FHIT: variants seen among roughly 807,000 people sequenced by gnomAD.
FHIT encodes bis(5'-adenosyl)-triphosphatase.
Under a neutral mutation model 17.9 loss-of-function variants are expected in FHIT, and 19 were observed. The observed-to-expected ratio is 1.06, with a 90% CI of 0.74 to 1.56. The LOEUF is 1.56. FHIT is among the 40% of genes most tolerant of loss of function. The probability of loss-of-function intolerance (pLI) is 0.00; values close to 1 mark genes in which losing one functional copy is unlikely to be tolerated. For missense variants in FHIT, 248 were observed against 189.2 expected, an observed-to-expected ratio of 1.31 and a Z score of -1.82; for synonymous variants, 81 against 69.7, an observed-to-expected ratio of 1.16 and a Z score of -0.81.
intron 2 of FHIT, among the ~76,000 whole-genome samples, chr3:61,138,687 C>T (rs557894750): frequency 4.6e-5 from 7 of 152,308 alleles, no homozygotes; most frequent in Admixed American, 1.3e-4. Flanking sequence ...CCTTCTAACT[C>T]GGCTAATGTG....
At chr3:60,214,072 T>C (rs1703583120) in intron 5 of FHIT, among the ~76,000 whole-genome samples, 1 of 152,114 alleles carries the variant, frequency 6.6e-6, no homozygotes, top group African/African-American at 2.4e-5. Context: ...ACTAGCGCAA[T>C]GGGAAGCTAA....
intron 5 of FHIT, among the ~76,000 whole-genome samples, chr3:60,375,794 TG>T (rs1322604669): frequency 6.6e-6 from 1 of 152,038 alleles, no homozygotes; most frequent in Non-Finnish European, 1.5e-5. Context: ...TCAACTGTTC[TG>T]TAGAAAGACC....
intron 5 of FHIT, among the ~76,000 whole-genome samples, chr3:60,441,795 T>C (rs373861945): frequency 2.3e-4 from 22 of 96,030 alleles, no homozygotes; most frequent in African/African-American, 8.8e-4. Context: ...TATATATATA[T>C]ATATATATAT....
At chr3:60,856,804 T>G (rs1203496933) in intron 3 of FHIT, among the ~76,000 whole-genome samples, 3 of 152,136 alleles carry the variant, frequency 2.0e-5, no homozygotes, top group East Asian at 1.9e-4. Flanking sequence ...TGACAACTTC[T>G]TCAGTGCGTG....
At chr3:61,239,767 A>ATATATATATCTATATC (rs2040326090) in intron 1 of FHIT, among the ~76,000 whole-genome samples, 3 of 133,424 alleles carry the variant, frequency 2.2e-5, no homozygotes, top group Non-Finnish European at 4.9e-5. Context: ...CTGGCCATAT[A>ATATATATATCTATATC]TATATATATA....
At chr3:60,956,863 G>C (rs971862531) in intron 3 of FHIT, among the ~76,000 whole-genome samples, 10 of 152,078 alleles carry the variant, frequency 6.6e-5, no homozygotes, top group Admixed American at 5.9e-4. Flanking sequence ...TAGGCCACAG[G>C]CTTCTACTGT....
intron 5 of FHIT, among the ~76,000 whole-genome samples, chr3:60,339,763 C>G (rs1161294363): frequency 1.3e-5 from 2 of 152,206 alleles, no homozygotes; most frequent in Non-Finnish European, 2.9e-5. Context: ...GAAACCAACT[C>G]AAGCTCTGGT....
intron 5 of FHIT, among the ~76,000 whole-genome samples, chr3:60,430,118 C>A (rs777731131): frequency 6.6e-6 from 1 of 151,890 alleles, no homozygotes; most frequent in South Asian, 2.1e-4. Flanking sequence ...GGGGCAGAGC[C>A]GTCTTCTGAC....
intron 8 of FHIT, among the ~76,000 whole-genome samples, chr3:59,905,566 C>G (rs1213350713): frequency 6.6e-6 from 1 of 152,138 alleles, no homozygotes; most frequent in Non-Finnish European, 1.5e-5. Context: ...TAAATATGAA[C>G]AAATGATGGT....
At chr3:59,974,117 T>C (rs925459509) in intron 7 of FHIT, among the ~76,000 whole-genome samples, 8 of 152,152 alleles carry the variant, frequency 5.3e-5, no homozygotes, top group African/African-American at 1.9e-4. Context: ...CAATCTATAC[T>C]GGCCATAAAG....
chr3:61,230,528 ACT>A (rs2040074079), intron 1 of FHIT, among the ~76,000 whole-genome samples: 1 of 152,110 alleles, frequency 6.6e-6, no homozygotes, highest in Admixed American at 6.6e-5. Flanking sequence ...TTAATAAATT[ACT>A]GAGTCTCCTG....
rs573646650 is a variant in FHIT at position 61,181,797 on chromosome 3, T to C, written c.-164+18820A>G. Reference sequence around the variant, plus strand: ...GAAAAATCTCTCTTTGTTTTGACAATTTTTCCTATCCCTTAGAAAAAATGG... The same window carrying C: ...GAAAAATCTCTCTTTGTTTTGACAACTTTTCCTATCCCTTAGAAAAAATGG... On this transcript the variant is annotated intron_variant, in intron 2 of 9. Transcript: ENST00000492590. Among the ~76,000 whole-genome samples the C allele has an allele frequency of 3.7e-4, 56 of 152,336 alleles. 2 individuals carry two copies. Among genetic ancestry groups the C allele is most frequent in the African/African-American group, 1.3e-3 (54 of 41,584 alleles).
chr3:60,655,988 T>G (rs562065466), intron 4 of FHIT, among the ~76,000 whole-genome samples: 1 of 152,338 alleles, frequency 6.6e-6, no homozygotes, highest in African/African-American at 2.4e-5. Context: ...GTAAACTTAT[T>G]ACTGCACCCT....
intron 5 of FHIT, among the ~76,000 whole-genome samples, chr3:60,101,849 A>G (rs925192402): frequency 2.0e-5 from 3 of 152,322 alleles, no homozygotes; most frequent in African/African-American, 4.8e-5. Context: ...CGCAAGGCAC[A>G]CTGAGCCACT....
At chr3:61,002,036 T>G (rs968264750) in intron 3 of FHIT, among the ~76,000 whole-genome samples, 2 of 152,202 alleles carry the variant, frequency 1.3e-5, no homozygotes, top group African/African-American at 4.8e-5. Flanking sequence ...TACTTGTATA[T>G]ATTTAGGGGG....
intron 2 of FHIT, among the ~76,000 whole-genome samples, chr3:61,134,178 G>C (rs1015245975): frequency 9.9e-5 from 15 of 151,142 alleles, no homozygotes; most frequent in African/African-American, 3.7e-4. Context: ...GTGCTTAGTG[G>C]GGCCCAATAT....
intron 4 of FHIT, among the ~76,000 whole-genome samples, chr3:60,699,098 T>C (rs960412861): frequency 3.3e-5 from 5 of 152,204 alleles, no homozygotes; most frequent in Non-Finnish European, 7.3e-5. Context: ...TTTATGGGTA[T>C]CTCTGTGTGT....
intron 3 of FHIT, among the ~76,000 whole-genome samples, chr3:60,987,153 T>C (rs1710752662): frequency 6.6e-6 from 1 of 152,182 alleles, no homozygotes; most frequent in Non-Finnish European, 1.5e-5. Context: ...ACTTAAAACA[T>C]GATATAATAG....
chr3:60,950,580 G>A (rs1002006379), intron 3 of FHIT, among the ~76,000 whole-genome samples: 14 of 151,296 alleles, frequency 9.3e-5, no homozygotes, highest in East Asian at 3.9e-4. Flanking sequence ...GCAGTGGCAC[G>A]ATCTTGGCTC....
Sources: allele counts gnomAD v4.1 joint callset (sites outside exome capture counted in the v4.1 genomes callset), GRCh38; gene constraint gnomAD v4.1.1; transcripts MANE v1.5; gene names NCBI Gene and HGNC (gene_info 2026-07-23, HGNC 2026-07-21).